ATXN7L1: variants seen among roughly 807,000 people sequenced by gnomAD.
ATXN7L1 encodes the protein ataxin 7 like 1.
A neutral mutation model predicts 70.8 loss-of-function variants in ATXN7L1; 15 were observed. The observed-to-expected ratio is 0.21, with a 90% CI of 0.14 to 0.33. The LOEUF (loss-of-function observed/expected upper bound fraction) is 0.33, where lower values mean the gene tolerates loss of function less well. Among genes scored for constraint, ATXN7L1 ranks in the 10% least tolerant of loss-of-function variants. ATXN7L1 has a pLI of 1.00. For missense variants in ATXN7L1, 975 were observed against 1,097.1 expected (o/e 0.89, Z 1.57); for synonymous variants, 440 against 445.1 (o/e 0.99, Z 0.14).
chr7:105,734,424 C>A (rs1427451034), intron 3 of ATXN7L1, among the ~76,000 whole-genome samples: 1 of 152,236 alleles, frequency 6.6e-6, no homozygotes, highest in Non-Finnish European at 1.5e-5. Context: ...GGCCAATCTG[C>A]CATCACTCAG....
At chr7:105,699,221 C>T (rs538858373) in intron 3 of ATXN7L1, among the ~76,000 whole-genome samples, 27 of 152,192 alleles carry the variant, frequency 1.8e-4, no homozygotes, top group African/African-American at 6.3e-4. Context: ...CTATCTCTGC[C>T]TCCCAGGTTC....
intron 3 of ATXN7L1, among the ~76,000 whole-genome samples, chr7:105,716,008 C>T (rs961947293): frequency 8.6e-5 from 13 of 151,718 alleles, no homozygotes; most frequent in Non-Finnish European, 1.3e-4. Context: ...GGGGTGGAGG[C>T]GGGGGGGATG....
At chr7:105,769,549 T>C (rs930696721) in intron 3 of ATXN7L1, among the ~76,000 whole-genome samples, 4 of 152,076 alleles carry the variant, frequency 2.6e-5, no homozygotes, top group Non-Finnish European at 5.9e-5. Flanking sequence ...TGGGAAGGAA[T>C]GGGGGCGAAG....
intron 4 of ATXN7L1, among the ~76,000 whole-genome samples, chr7:105,662,116 T>C (rs1248506959): frequency 7.5e-5 from 11 of 147,234 alleles, no homozygotes; most frequent in Non-Finnish European, 1.0e-4. Context: ...CTTTTTTTTT[T>C]TTTTAAGCCA....
rs188323918 is a variant in ATXN7L1 at position 105,620,933 on chromosome 7, G to A, written c.1396-612C>T. On this transcript the variant is annotated intron_variant, in intron 8 of 11. Coordinates refer to ENST00000419735, the MANE Select transcript of ATXN7L1 (RefSeq NM_020725.2). Reference sequence around the variant, plus strand: ...AAAGAAACAACAACCAACACCCAGGGTGACTTTTCAGGACCATCTGTTTGT... The same window carrying A: ...AAAGAAACAACAACCAACACCCAGGATGACTTTTCAGGACCATCTGTTTGT... Among the ~76,000 whole-genome samples, 7 of 151,826 alleles carry A rather than the reference G, an allele frequency of 4.6e-5. No homozygotes were observed. The Middle Eastern group carries it at 0.01, about 221-fold the overall frequency.
intron 3 of ATXN7L1, among the ~76,000 whole-genome samples, chr7:105,729,898 C>T (rs1190011413): frequency 2.0e-5 from 3 of 152,072 alleles, no homozygotes; most frequent in Non-Finnish European, 4.4e-5. Flanking sequence ...CCACCACGCC[C>T]AGCTAATTTT....
At chr7:105,856,321 C>CA (rs1325717531) in intron 2 of ATXN7L1, among the ~76,000 whole-genome samples, 2 of 152,204 alleles carry the variant, frequency 1.3e-5, no homozygotes, top group Non-Finnish European at 2.9e-5. Flanking sequence ...CATAGTGGCT[C>CA]AGGCCTGTAA....
intron 2 of ATXN7L1, among the ~76,000 whole-genome samples, chr7:105,812,404 T>C (rs897744582): frequency 2.0e-5 from 3 of 152,244 alleles, no homozygotes; most frequent in Admixed American, 1.3e-4. Flanking sequence ...CATATATTCC[T>C]GTTAAACTTT....
In ATXN7L1 at chr7:105,607,516, C is replaced by T. The variant is rs893840938; in HGVS notation, c.*336G>A. The T allele has an allele frequency of 9.5e-6, 3 of 314,696 alleles. No individual in the cohort carries two copies. Among genetic ancestry groups the T allele is most frequent in the Non-Finnish European group, 1.8e-5 (3 of 168,914 alleles). 19.5% of individuals were successfully genotyped at this position (314,696 alleles called of 1,614,324 possible). ...TGGAACCAACATTCTGCAATGTCTG[C>T]TCTCATGGCTGGAGCAAAAGGATGG... On this transcript the variant is annotated 3_prime_UTR_variant, in exon 12 of 12. Transcript: ENST00000419735.
At chr7:105,717,598 A>C (rs1794721378) in intron 3 of ATXN7L1, among the ~76,000 whole-genome samples, 1 of 152,218 alleles carries the variant, frequency 6.6e-6, no homozygotes. Flanking sequence ...GAGAAGCATA[A>C]ATTTTGGTTC....
At chr7:105,647,430 C>A (rs1246531585) in intron 4 of ATXN7L1, among the ~76,000 whole-genome samples, 1 of 152,280 alleles carries the variant, frequency 6.6e-6, no homozygotes, top group African/African-American at 2.4e-5. Flanking sequence ...AGTGGATCAC[C>A]TGAGGTCAGG....
intron 3 of ATXN7L1, among the ~76,000 whole-genome samples, chr7:105,729,275 A>C (rs1444076866): frequency 7.7e-6 from 1 of 130,052 alleles, no homozygotes; most frequent in East Asian, 2.5e-4. Flanking sequence ...TGTATCAATA[A>C]TAAATGAATG....
chr7:105,788,769 A>G, intron 2 of ATXN7L1, 61 bp from the exon 3 acceptor site: 1 of 1,342,806 alleles, frequency 7.4e-7, no homozygotes, highest in Non-Finnish European at 1.1e-6. Flanking sequence ...GAAGGTGTAC[A>G]GTTTCCTCTT....
intron 5 of ATXN7L1, among the ~76,000 whole-genome samples, chr7:105,641,214 C>CTCTCTTTTTTTTTTTTTT (rs1316374331): frequency 1.4e-4 from 3 of 21,786 alleles, no homozygotes; most frequent in East Asian, 1.1e-3. Flanking sequence ...CTCTCTCTCT[C>CTCTCTTTTTTTTTTTTTT]TTTTTTTTTT....
chr7:105,876,459 G>C lies in ATXN7L1; in HGVS notation c.100C>G (p.Arg34Gly). Residue 34 changes from arginine to glycine, a missense_variant, in exon 1 of 12, where the codon CGC becomes GGC. This residue lies in a region of ATXN7L1 where 135 missense variants were observed against 132.6 expected (regional missense o/e 1.02). Coordinates refer to ENST00000419735, the MANE Select transcript of ATXN7L1 (RefSeq NM_020725.2). ...QEGRAMATLD[R>G]KVPSPEAFLG... The stretch of plus-strand genomic sequence containing the variant: ...AACGCCTCCGGACTGGGCACTTTGC[G>C]ATCCAGTGTCGCCATTGCTCTTCCT... 6.2e-7 allele frequency: 1 copy of C among 1,613,918 alleles called. No homozygotes were observed. Among genetic ancestry groups the C allele is most frequent in the Non-Finnish European group, 8.5e-7 (1 of 1,179,922 alleles).
At chr7:105,692,355 G>A (rs1253413326) in intron 3 of ATXN7L1, among the ~76,000 whole-genome samples, 1 of 140,208 alleles carries the variant, frequency 7.1e-6, no homozygotes, top group Non-Finnish European at 1.6e-5. Flanking sequence ...GGGACATGCT[G>A]GATGAATTTC....
At chr7:105,846,428 A>C (rs1814050602) in intron 2 of ATXN7L1, among the ~76,000 whole-genome samples, 1 of 152,160 alleles carries the variant, frequency 6.6e-6, no homozygotes, top group South Asian at 2.1e-4. Flanking sequence ...ACCACTTAAA[A>C]CCCACTAAGA....
rs1160428215 is a variant in ATXN7L1 at position 105,605,273 on chromosome 7, A to G, written c.*2579T>C. The G allele has an allele frequency of 1.3e-5, 2 of 152,038 alleles. No individual in the cohort carries two copies. The highest frequency in any genetic ancestry group is 2.9e-5 in the Non-Finnish European group (2 of 68,006). The allele number at this position is 152,038 out of a possible 1,614,324, so 9.4% of individuals were successfully genotyped here. ...TTATAGGCTGCTCCAGTTTAACTCC[A>G]TTAAGACAAACCCAAAGAGAACCTT... On this transcript the variant is annotated 3_prime_UTR_variant, in exon 12 of 12. Transcript: ENST00000419735.
At chr7:105,720,259 C>CT (rs1476199327) in intron 3 of ATXN7L1, among the ~76,000 whole-genome samples, 1 of 152,194 alleles carries the variant, frequency 6.6e-6, no homozygotes, top group African/African-American at 2.4e-5. Flanking sequence ...TGCCTCTTGC[C>CT]TACAGTGCTT....
Sources: gnomAD v4.1 joint callset for allele counts (sites outside exome capture counted in the v4.1 genomes callset) on GRCh38, gnomAD v4.1.1 for gene constraint, gnomAD v4.1.1 regional missense constraint, MANE v1.5 for transcripts, NCBI Gene and HGNC (gene_info 2026-07-23, HGNC 2026-07-21) for gene names.